WDFY3: variants seen among roughly 807,000 people sequenced by gnomAD.
WDFY3 encodes the protein WD repeat and FYVE domain containing 3, also known as WD repeat and FYVE domain-containing protein 3.
In WDFY3, 66 loss-of-function variants were observed where a neutral mutation model predicts 409.6. The observed-to-expected ratio is 0.16, with a 90% CI of 0.13 to 0.20. The LOEUF is 0.20. Ranked by LOEUF, WDFY3 falls within the 10% of genes least tolerant of loss-of-function variation. WDFY3 has a pLI of 1.00. For missense variants in WDFY3, 3,031 were observed against 4,298.1 expected, an observed-to-expected ratio of 0.71 and a Z score of 8.24; for synonymous variants, 1,521 against 1,537.1, an observed-to-expected ratio of 0.99 and a Z score of 0.25.
At chr4:84,961,215 CAAA>C (rs35416764) in intron 1 of WDFY3, among the ~76,000 whole-genome samples, 3 of 109,118 alleles carry the variant, frequency 2.7e-5, no homozygotes, top group Admixed American at 8.9e-5. Flanking sequence ...GACTCTGTCT[CAAA>C]AAAAAAAAAA....
intron 3 of WDFY3, among the ~76,000 whole-genome samples, chr4:84,885,928 G>A (rs1764162577): frequency 6.6e-6 from 1 of 152,092 alleles, no homozygotes; most frequent in Non-Finnish European, 1.5e-5. Flanking sequence ...TACTTAAGTG[G>A]TCCATCACTG....
In WDFY3 at chr4:84,696,787, A is replaced by G; in HGVS notation, c.8633T>C (p.Ile2878Thr). Residue 2878 changes from isoleucine to threonine, a missense_variant, in exon 57 of 68, where the codon ATC becomes ACC. Transcript: ENST00000295888. The part of the protein sequence containing the change: ...KQNGTKLGDV[I>T]LPPWAKGDPR... ...GTCCCCTTTTGCCCAGGGTGGAAGG[A>G]TAACATCTCCAAGCTTGGTGCCATT... is the stretch of plus-strand genomic sequence containing the variant. 1 of 1,614,022 alleles carries G rather than the reference A, an allele frequency of 6.2e-7. No homozygotes were observed. The highest frequency in any genetic ancestry group is 8.5e-7 in the Non-Finnish European group (1 of 1,179,930).
intron 55 of WDFY3, 24 bp from the exon 56 acceptor site, chr4:84,702,530 T>A: frequency 6.4e-7 from 1 of 1,554,912 alleles, no homozygotes; most frequent in Non-Finnish European, 8.7e-7. Context: ...AAGACACCTC[T>A]CTATTAGAGA....
At chr4:84,716,045 C>A (rs1733837738) in intron 49 of WDFY3, among the ~76,000 whole-genome samples, 2 of 151,826 alleles carry the variant, frequency 1.3e-5, no homozygotes, top group Non-Finnish European at 2.9e-5. Flanking sequence ...GATAATTACC[C>A]AAATTTTAGG....
intron 3 of WDFY3, among the ~76,000 whole-genome samples, chr4:84,868,291 C>T (rs17009334): frequency 0.24 from 36,133 of 147,734 alleles, 5,363 homozygotes; most frequent in East Asian, 0.45. Context: ...AAAGCAAAGG[C>T]AAACCTCTTA....
chr4:84,799,662 TA>T (rs754948573), intron 17 of WDFY3, among the ~76,000 whole-genome samples: 53 of 152,144 alleles, frequency 3.5e-4, no homozygotes, highest in East Asian at 3.3e-3. Context: ...AAACCCTCCA[TA>T]ACCTGTCATT....
intron 3 of WDFY3, among the ~76,000 whole-genome samples, chr4:84,869,265 C>T (rs1399924266): frequency 1.3e-5 from 2 of 152,206 alleles, no homozygotes; most frequent in African/African-American, 4.8e-5. Context: ...CTTTCTCACT[C>T]GCTGAATCTG....
intron 2 of WDFY3, among the ~76,000 whole-genome samples, chr4:84,923,700 T>A (rs1289431943): frequency 6.6e-6 from 1 of 152,154 alleles, no homozygotes; most frequent in Non-Finnish European, 1.5e-5. Flanking sequence ...GCCCCAAGCA[T>A]GAAAATAAAA....
intron 2 of WDFY3, among the ~76,000 whole-genome samples, chr4:84,930,166 T>C (rs911516782): frequency 6.6e-6 from 1 of 152,190 alleles, no homozygotes; most frequent in Non-Finnish European, 1.5e-5. Flanking sequence ...CTAATATATG[T>C]GGCAATAGAT....
intron 1 of WDFY3, among the ~76,000 whole-genome samples, chr4:84,939,654 T>C (rs1480339136): frequency 6.6e-6 from 1 of 152,144 alleles, no homozygotes; most frequent in African/African-American, 2.4e-5. Flanking sequence ...TTATACTTAC[T>C]TGATTATTAA....
chr4:84,876,728 C>G (rs1315307541), intron 3 of WDFY3, among the ~76,000 whole-genome samples: 1 of 150,992 alleles, frequency 6.6e-6, no homozygotes, highest in Non-Finnish European at 1.5e-5. Flanking sequence ...TGGTAAGTGA[C>G]AGCACTAGAT....
intron 2 of WDFY3, among the ~76,000 whole-genome samples, chr4:84,915,712 C>G (rs1768386872): frequency 6.6e-6 from 1 of 152,076 alleles, no homozygotes; most frequent in South Asian, 2.1e-4. Context: ...ATGGGGCTCT[C>G]AAGAGAAAAA....
At chr4:84,842,943 T>A (rs1042750067) in intron 5 of WDFY3, among the ~76,000 whole-genome samples, 1 of 152,232 alleles carries the variant, frequency 6.6e-6, no homozygotes, top group African/African-American at 2.4e-5. Flanking sequence ...TACACATGAT[T>A]CTGGGCTGGG....
At chr4:84,907,965 A>C (rs1489387441) in intron 2 of WDFY3, among the ~76,000 whole-genome samples, 1 of 152,122 alleles carries the variant, frequency 6.6e-6, no homozygotes, top group African/African-American at 2.4e-5. Flanking sequence ...TTTAAGGGGG[A>C]AAGAGTGGGT....
chr4:84,691,674 T>G lies in WDFY3; in HGVS notation c.9161A>C (p.Tyr3054Ser). Residue 3054 changes from tyrosine to serine, a missense_variant, in exon 60 of 68, where the codon TAT becomes TCT. Physicochemically the swap from Tyr to Ser is moderately radical, Grantham distance 144. Transcript: ENST00000295888. Reference sequence around the variant, plus strand: ...TCCCAGTCTGCAACTGAGGTCTGCATAGCCCCAAGCAAAAGTTTTATTCCA... The same window carrying G: ...TCCCAGTCTGCAACTGAGGTCTGCAGAGCCCCAAGCAAAAGTTTTATTCCA... ...PTWNKTFAWG[Y>S]ADLSCRLGTY... 6.2e-7 allele frequency: 1 copy of G among 1,614,146 alleles called. No homozygotes were observed. Among genetic ancestry groups the G allele is most frequent in the Non-Finnish European group, 8.5e-7 (1 of 1,180,020 alleles).
At chr4:84,705,594 G>A (rs1249884219) in intron 53 of WDFY3, 83 bp from the exon 54 acceptor site, 2 of 1,121,056 alleles carry the variant, frequency 1.8e-6, no homozygotes, top group East Asian at 2.4e-5. Context: ...TGTTGTGGAT[G>A]ATGATGATTT....
At chr4:84,943,725 A>C (rs1772440141) in intron 1 of WDFY3, among the ~76,000 whole-genome samples, 1 of 152,184 alleles carries the variant, frequency 6.6e-6, no homozygotes, top group South Asian at 2.1e-4. Flanking sequence ...AAAACAAAAA[A>C]AACTGCTCTT....
intron 67 of WDFY3, among the ~76,000 whole-genome samples, chr4:84,675,429 T>A (rs1726108603): frequency 6.6e-6 from 1 of 152,206 alleles, no homozygotes. Context: ...ATGGAACACC[T>A]GTTTTGCCAG....
Position 84,714,499 on chromosome 4 carries a change from T to C in WDFY3, c.7961+799A>G, listed in dbSNP as rs1275854086. Among the ~76,000 whole-genome samples the C allele has an allele frequency of 2.0e-5, 3 of 152,336 alleles. No homozygotes were observed. The South Asian group carries it at 6.2e-4, about 32-fold the overall frequency. On this transcript the variant is annotated intron_variant, in intron 50 of 67. Transcript: ENST00000295888. Reference sequence around the variant, plus strand: ...TTAGATTAACTGCTTTATTTAGCTATACTACTTTTTCAAGGATGAAGGTAT... The same window carrying C: ...TTAGATTAACTGCTTTATTTAGCTACACTACTTTTTCAAGGATGAAGGTAT...
Sources: allele counts gnomAD v4.1 joint callset (sites outside exome capture counted in the v4.1 genomes callset), GRCh38; gene constraint gnomAD v4.1.1; transcripts MANE v1.5; gene names NCBI Gene and HGNC (gene_info 2026-07-23, HGNC 2026-07-21).